Variants in LSAMP observed in about 807,000 individuals in gnomAD.
The protein encoded by LSAMP is limbic system associated membrane protein.
Under a neutral mutation model 38.6 loss-of-function variants are expected in LSAMP, and 7 were observed. The ratio of observed to expected loss-of-function variants is 0.18; its 90% confidence interval spans 0.10 to 0.34. The LOEUF (loss-of-function observed/expected upper bound fraction) is 0.34. LSAMP is among the 10% of genes least tolerant of loss of function. The pLI is 1.00. For synonymous variants in LSAMP, 154 were observed against 166.8 expected (o/e 0.92, Z 0.59); for missense variants, 313 against 420.0 (o/e 0.75, Z 2.23).
chr3:116,090,200 A>G (rs1708088509), intron 1 of LSAMP, among the ~76,000 whole-genome samples: 1 of 148,616 alleles, frequency 6.7e-6, no homozygotes, highest in Non-Finnish European at 1.5e-5. Context: ...GGCCAGAGTG[A>G]GACCTTGTCT....
chr3:116,174,021 A>G (rs1710274736), intron 1 of LSAMP, among the ~76,000 whole-genome samples: 1 of 152,004 alleles, frequency 6.6e-6, no homozygotes, highest in Non-Finnish European at 1.5e-5. Flanking sequence ...ACTTTTCCAA[A>G]TCAGAAAATG....
At chr3:116,006,345 G>A (rs1488398479) in intron 3 of LSAMP, among the ~76,000 whole-genome samples, 1 of 152,066 alleles carries the variant, frequency 6.6e-6, no homozygotes, top group Non-Finnish European at 1.5e-5. Context: ...ATCGGAACCT[G>A]AGCATGCTGG....
At chr3:116,063,069 A>T (rs531947494) in intron 2 of LSAMP, among the ~76,000 whole-genome samples, 2 of 151,792 alleles carry the variant, frequency 1.3e-5, no homozygotes, top group Admixed American at 6.6e-5. Flanking sequence ...ATATATTACC[A>T]CTCCTTATGT....
At chr3:115,839,672 A>T (rs1461742713) in intron 6 of LSAMP, among the ~76,000 whole-genome samples, 2 of 152,202 alleles carry the variant, frequency 1.3e-5, no homozygotes, top group East Asian at 3.9e-4. Context: ...CATCTATTCT[A>T]AACCAAATGC....
chr3:115,852,676 C>T, intron 3 of LSAMP, 59 bp from the exon 4 acceptor site: 1 of 1,439,990 alleles, frequency 6.9e-7, no homozygotes, highest in Non-Finnish European at 9.3e-7. Context: ...AGTAGATCCT[C>T]TCATTATTCT....
At chr3:115,840,824 A>G (rs1452722352) in intron 6 of LSAMP, among the ~76,000 whole-genome samples, 3 of 151,246 alleles carry the variant, frequency 2.0e-5, no homozygotes, top group African/African-American at 7.4e-5. Flanking sequence ...TTCCAATAGA[A>G]TCTGTGCAGA....
intron 1 of LSAMP, among the ~76,000 whole-genome samples, chr3:116,111,332 T>C (rs1293479719): frequency 6.6e-6 from 1 of 152,200 alleles, no homozygotes; most frequent in Non-Finnish European, 1.5e-5. Flanking sequence ...GGACAGGTAG[T>C]AAATATCTTC....
chr3:116,194,542 C>A (rs1032724473), intron 1 of LSAMP, among the ~76,000 whole-genome samples: 1 of 152,098 alleles, frequency 6.6e-6, no homozygotes, highest in East Asian at 1.9e-4. Context: ...CTGCAGGAGC[C>A]CGCCACCACG....
At chr3:116,400,362 T>C (rs2048822323) in intron 1 of LSAMP, among the ~76,000 whole-genome samples, 1 of 151,964 alleles carries the variant, frequency 6.6e-6, no homozygotes. Flanking sequence ...CCTCTTTCTT[T>C]CTTCCTTCCT....
chr3:116,203,559 C>G lies in LSAMP; in HGVS notation c.156-117003G>C, dbSNP rs112483822. On this transcript the variant is annotated intron_variant, in intron 1 of 6. Transcript: ENST00000490035. Reference sequence around the variant, plus strand: ...TGCTATCCCTCCCCCCACCCCCCACCCCACCACAGTCCCCAGAGTGTGATA... The same window carrying G: ...TGCTATCCCTCCCCCCACCCCCCACGCCACCACAGTCCCCAGAGTGTGATA... Among the ~76,000 whole-genome samples the G allele has an allele frequency of 3.1e-3, 393 of 125,498 alleles. 2 individuals carry two copies. The highest frequency in any genetic ancestry group is 0.012 in the South Asian group (38 of 3,256). 82.3% of individuals were successfully genotyped at this position (125,498 alleles called of 152,430 possible). A position where few individuals can be genotyped will look rare whatever the true frequency, so the allele number is the denominator to read the frequency against.
chr3:116,184,448 C>T lies in LSAMP; in HGVS notation c.156-97892G>A, dbSNP rs74440526. On this transcript the variant is annotated intron_variant, in intron 1 of 6. Transcript: ENST00000490035. The stretch of plus-strand genomic sequence containing the variant: ...ACAGAAGTTCACTGTCATTTCAAGA[C>T]GGAATCTATATGACCAGGTAACTGA... Among the ~76,000 whole-genome samples the T allele has an allele frequency of 1.0e-3, 156 of 151,982 alleles. 5 individuals carry two copies. The East Asian group carries it at 0.023, about 22-fold the overall frequency.
At chr3:115,916,356 C>T (rs560995378) in intron 3 of LSAMP, among the ~76,000 whole-genome samples, 17 of 152,254 alleles carry the variant, frequency 1.1e-4, no homozygotes, top group African/African-American at 3.4e-4. Flanking sequence ...ACATATGAAA[C>T]GTACAATAAG....
At chr3:116,124,602 G>A (rs1441299897) in intron 1 of LSAMP, among the ~76,000 whole-genome samples, 3 of 152,278 alleles carry the variant, frequency 2.0e-5, no homozygotes, top group Middle Eastern at 3.4e-3. Context: ...GTAAATTACA[G>A]TTTGGGAAAA....
At chr3:116,074,389 A>G (rs527756059) in intron 2 of LSAMP, among the ~76,000 whole-genome samples, 154 of 152,252 alleles carry the variant, frequency 1.0e-3, no homozygotes, top group African/African-American at 3.6e-3. Context: ...TAACTATCCA[A>G]TTCCTTAGTC....
At chr3:116,390,831 T>C (rs1162257097) in intron 1 of LSAMP, among the ~76,000 whole-genome samples, 1 of 150,440 alleles carries the variant, frequency 6.6e-6, no homozygotes. Context: ...GCCTATGAAG[T>C]GTCATTCCTT....
intron 1 of LSAMP, among the ~76,000 whole-genome samples, chr3:116,256,631 G>C (rs189531809): frequency 6.6e-6 from 1 of 151,880 alleles, no homozygotes; most frequent in Non-Finnish European, 1.5e-5. Context: ...TTGAAAGCAT[G>C]CTCAAAATAT....
chr3:116,009,259 C>G (rs975501663), intron 3 of LSAMP, among the ~76,000 whole-genome samples: 4 of 152,004 alleles, frequency 2.6e-5, no homozygotes, highest in Non-Finnish European at 5.9e-5. Flanking sequence ...AAACTGTGGC[C>G]CATAGAGCAG....
intron 4 of LSAMP, 143 bp from the exon 5 acceptor site, chr3:115,842,721 A>T: frequency 1.0e-6 from 1 of 967,560 alleles, no homozygotes; most frequent in Non-Finnish European, 1.5e-6. Context: ...GAATTATGTG[A>T]TCAGCTCAAT....
At chr3:115,834,821 A>G (rs901484074) in intron 6 of LSAMP, among the ~76,000 whole-genome samples, 24 of 152,260 alleles carry the variant, frequency 1.6e-4, no homozygotes, top group Admixed American at 1.6e-3. Flanking sequence ...TTTAGCTAGT[A>G]TAGGAGGACA....
Sources: allele counts gnomAD v4.1 joint callset (sites outside exome capture counted in the v4.1 genomes callset), GRCh38; gene constraint gnomAD v4.1.1; transcripts MANE v1.5; gene names NCBI Gene and HGNC (gene_info 2026-07-23, HGNC 2026-07-21).